The following KIFBP variants were observed in gnomAD, a reference collection of about 807,000 sequenced individuals.
The protein encoded by KIFBP is KIF-binding protein.
KIFBP carries 46 observed loss-of-function variants against 58.9 expected under a neutral mutation model. The ratio of observed to expected loss-of-function variants is 0.78; its 90% CI spans 0.62 to 1.00. KIFBP has a LOEUF of 1.00. Ranked by LOEUF, KIFBP falls within the 50% of genes least tolerant of loss-of-function variation. KIFBP has a pLI of 0.00. For missense variants in KIFBP, 651 were observed against 752.9 expected (o/e 0.86, Z 1.58); for synonymous variants, 241 against 283.4 (o/e 0.85, Z 1.50).
intron 1 of KIFBP, among the ~76,000 whole-genome samples, chr10:68,994,540 T>C (rs1312868436): frequency 1.3e-5 from 2 of 152,182 alleles, no homozygotes; most frequent in Non-Finnish European, 2.9e-5. Context: ...GTATTCCTTC[T>C]GATCCTTGTT....
At chr10:69,000,565 A>C in intron 2 of KIFBP, 43 bp downstream of exon 2, 1 of 1,182,626 alleles carries the variant, frequency 8.5e-7, no homozygotes, top group Non-Finnish European at 1.3e-6. Flanking sequence ...GATTGAAACT[A>C]GTTAAGAATT....
chr10:69,005,017 T>C, intron 2 of KIFBP, 29 bp from the exon 3 acceptor site: 4 of 1,568,980 alleles, frequency 2.5e-6, no homozygotes, highest in Non-Finnish European at 3.5e-6. Context: ...TTTAAAACTT[T>C]AAAGAGCTTT....
chr10:69,000,307 A>G, intron 1 of KIFBP, 117 bp from the exon 2 acceptor site: 2 of 729,804 alleles, frequency 2.7e-6, no homozygotes, highest in Non-Finnish European at 5.0e-6. Context: ...TAATTAATTC[A>G]TTGGTAATCC....
At chr10:68,999,841 T>G (rs2243447) in intron 1 of KIFBP, 1 of 155,454 alleles carries the variant, frequency 6.4e-6, no homozygotes. Flanking sequence ...GTCAGGAGAT[T>G]GAGACCATCC....
chr10:69,001,233 T>C (rs1843461837), intron 2 of KIFBP, among the ~76,000 whole-genome samples: 1 of 152,102 alleles, frequency 6.6e-6, no homozygotes, highest in Non-Finnish European at 1.5e-5. Context: ...CACTACAGAT[T>C]CTTCCTCCTC....
chr10:69,008,377 T>TAAAAAAAA lies in KIFBP; in HGVS notation c.790-456_790-449dup, dbSNP rs1211667916. On this transcript the variant is annotated intron_variant, in intron 4 of 6. Coordinates refer to ENST00000361983, the MANE Select transcript of KIFBP (RefSeq NM_015634.4). ...GGGCCAGAGTGAGACCCCTGTCTCGTAAAAAAAAAAAAAAATATATATATA... is the reference window on the plus strand; with the variant it reads ...GGGCCAGAGTGAGACCCCTGTCTCGTAAAAAAAAAAAAAAAAAAAAAAATATATATATA... Among the ~76,000 whole-genome samples, 48 of 75,410 alleles carry TAAAAAAAA rather than the reference T, an allele frequency of 6.4e-4. 4 individuals are homozygous for TAAAAAAAA. Among genetic ancestry groups the TAAAAAAAA allele is most frequent in the African/African-American group, 2.5e-3 (30 of 12,004 alleles). The allele number at this position is 75,410 out of a possible 152,430, so 49.5% of individuals were successfully genotyped here. A position where few individuals can be genotyped will look rare whatever the true frequency, so the allele number is the denominator to read the frequency against.
At position 69,000,495 on chromosome 10, in the gene KIFBP, A is replaced by G; in HGVS notation, c.498A>G (p.Glu166=). 2 of 1,608,738 alleles carry G rather than the reference A, an allele frequency of 1.2e-6. No homozygotes were observed. The highest frequency in any genetic ancestry group is 1.7e-6 in the Non-Finnish European group (2 of 1,175,232). Residue 166 remains glutamate, a synonymous_variant, in exon 2 of 7, where the codon GAA becomes GAG. Transcript: ENST00000361983. ...CACAGGCTTACCTAGAGTCATCAGA[A>G]GCACTATATAATCAGTATATGAAAG... ...ETAQAYLESS[E]ALYNQYMKEV...
At chr10:68,997,552 C>G (rs1268082295) in intron 1 of KIFBP, among the ~76,000 whole-genome samples, 1 of 152,080 alleles carries the variant, frequency 6.6e-6, no homozygotes, top group Admixed American at 6.6e-5. Flanking sequence ...CCTGTACAGC[C>G]TGTGGAACTG....
chr10:69,011,813 C>T (rs1843597357), intron 6 of KIFBP, among the ~76,000 whole-genome samples: 1 of 149,744 alleles, frequency 6.7e-6, no homozygotes, highest in African/African-American at 2.5e-5. Flanking sequence ...GCCTCAGCCT[C>T]CTGAGTAGCT....
rs1839008371 is a variant in KIFBP, at chr10:69,016,520, T to A, written c.*104T>A. 5.0e-6 allele frequency: 6 copies of A among 1,196,962 alleles called. No individual in the cohort carries two copies. Among genetic ancestry groups the A allele is most frequent in the Non-Finnish European group, 7.3e-6 (6 of 823,518 alleles). The allele number at this position is 1,196,962 out of a possible 1,614,324, so 74.1% of individuals were successfully genotyped here. On this transcript the variant is annotated 3_prime_UTR_variant, in exon 7 of 7. Coordinates refer to ENST00000361983, the MANE Select transcript of KIFBP (RefSeq NM_015634.4). The stretch of plus-strand genomic sequence containing the variant: ...ATGTTTACCTTTATAGCCAGGTGAG[T>A]GCAGTTTGAACTTGAGATACAGTCA...
intron 1 of KIFBP, chr10:68,995,406 C>G (rs1269129688): frequency 1.3e-5 from 2 of 152,080 alleles, no homozygotes; most frequent in African/African-American, 2.4e-5. Flanking sequence ...CTGAGCTGAT[C>G]GTGTCTTTTC....
chr10:69,006,225 T>C (rs1245198131), intron 4 of KIFBP, among the ~76,000 whole-genome samples: 1 of 152,234 alleles, frequency 6.6e-6, no homozygotes, highest in Non-Finnish European at 1.5e-5. Context: ...AATTGCAGAT[T>C]TTACCTTGTA....
chr10:69,003,360 G>C (rs968303375), intron 2 of KIFBP, among the ~76,000 whole-genome samples: 1 of 152,148 alleles, frequency 6.6e-6, no homozygotes, highest in Non-Finnish European at 1.5e-5. Flanking sequence ...CTTGCTTCCT[G>C]TCTTAGTTGT....
At chr10:68,992,139 G>A (rs1277760319) in intron 1 of KIFBP, among the ~76,000 whole-genome samples, 1 of 151,954 alleles carries the variant, frequency 6.6e-6, no homozygotes. Context: ...GACCACAGGT[G>A]CCTGCCACCA....
At chr10:69,011,555 A>T (rs949501111) in intron 6 of KIFBP, among the ~76,000 whole-genome samples, 6 of 151,410 alleles carry the variant, frequency 4.0e-5, no homozygotes, top group African/African-American at 1.5e-4. Flanking sequence ...GTTAATTTTT[A>T]AATTATTTTG....
chr10:69,001,657 C>T (rs1212820205), intron 2 of KIFBP, among the ~76,000 whole-genome samples: 1 of 151,576 alleles, frequency 6.6e-6, no homozygotes, highest in Non-Finnish European at 1.5e-5. Context: ...GAGACTGAGG[C>T]AGGAGAATCG....
intron 1 of KIFBP, chr10:68,995,087 C>T (rs11817579): frequency 0.11 from 17,427 of 151,822 alleles, 1,248 homozygotes; most frequent in Admixed American, 0.18. Context: ...GGTGGGATTT[C>T]GGCTCACTGC....
In KIFBP at chr10:68,988,926, C is replaced by G; in HGVS notation, c.94C>G (p.Pro32Ala). The G allele has an allele frequency of 6.2e-7, 1 of 1,614,256 alleles. No individual in the cohort carries two copies. ...VELHKNPEKE[P>A]YKSKYSARAL... ...ACTGCATAAAAATCCGGAGAAGGAA[C>G]CATACAAGTCCAAATACAGCGCCCG... The change falls in exon 1 of 7, where the codon CCA (proline) becomes GCA (alanine). Residue 32 changes from proline (P) to alanine (A), a missense_variant. Transcript: ENST00000361983.
At chr10:69,004,219 C>T (rs1377737573) in intron 2 of KIFBP, among the ~76,000 whole-genome samples, 4 of 79,502 alleles carry the variant, frequency 5.0e-5, no homozygotes, top group African/African-American at 1.9e-4. Flanking sequence ...ACTCCATCTC[C>T]AAAAAAAAAA....
Sources: gnomAD v4.1 joint callset for allele counts (sites outside exome capture counted in the v4.1 genomes callset) on GRCh38, gnomAD v4.1.1 for gene constraint, MANE v1.5 for transcripts, NCBI Gene and HGNC (gene_info 2026-07-23, HGNC 2026-07-21) for gene names.